The following FAM135A variants were observed in gnomAD, a reference collection of about 807,000 sequenced individuals.
The protein encoded by FAM135A is protein FAM135A.
In FAM135A, 79 loss-of-function variants were observed where a neutral mutation model predicts 146.8. That is an observed-to-expected ratio of 0.54 (90% confidence interval 0.45 to 0.65). The LOEUF is 0.65. Among genes scored for constraint, FAM135A ranks in the 30% least tolerant of loss-of-function variants. The pLI, the probability that FAM135A is intolerant of heterozygous loss-of-function variation, is 0.00. For synonymous variants in FAM135A, 562 were observed against 603.6 expected, an observed-to-expected ratio of 0.93 and a Z score of 1.01; for missense variants, 1,623 against 1,758.2, an observed-to-expected ratio of 0.92 and a Z score of 1.38.
intron 4 of FAM135A, among the ~76,000 whole-genome samples, chr6:70,435,109 ATTT>A (rs1213346179): frequency 6.8e-3 from 437 of 64,624 alleles, no homozygotes; most frequent in South Asian, 0.031. Flanking sequence ...ATATATATAT[ATTT>A]TTTTTTTTTT....
chr6:70,424,765 AT>A (rs1190557298), intron 2 of FAM135A, among the ~76,000 whole-genome samples: 1 of 152,116 alleles, frequency 6.6e-6, no homozygotes. Flanking sequence ...GTATTGTGGC[AT>A]TTTTCATGTA....
chr6:70,467,034 TTTCTC>T (rs911738232), intron 5 of FAM135A, among the ~76,000 whole-genome samples: 1 of 152,204 alleles, frequency 6.6e-6, no homozygotes, highest in Non-Finnish European at 1.5e-5. Context: ...ACATCTGTTT[TTTCTC>T]TTTCTTGGTT....
intron 13 of FAM135A, among the ~76,000 whole-genome samples, 175 bp from the exon 14 acceptor site, chr6:70,523,788 AAACT>A (rs1794119590): frequency 6.6e-6 from 1 of 152,174 alleles, no homozygotes; most frequent in Non-Finnish European, 1.5e-5. Context: ...TATTGCCAAC[AAACT>A]ATCATTTTCA....
rs191572720 is a variant in FAM135A, at chr6:70,539,349, C to T, written c.4228+948C>T. Among the ~76,000 whole-genome samples, 3 of 152,214 alleles carry T rather than the reference C, an allele frequency of 2.0e-5. No individual in the cohort carries two copies. In the East Asian group the frequency reaches 5.8e-4, roughly 29 times the overall value. ...AAGTATTTTGGTTTTGTAAGCCATACAATCTCTTTGCAACTACTTAACAAT... is the reference window on the plus strand; with the variant it reads ...AAGTATTTTGGTTTTGTAAGCCATATAATCTCTTTGCAACTACTTAACAAT... On this transcript the variant is annotated intron_variant, in intron 20 of 21. Transcript: ENST00000418814.
intron 20 of FAM135A, 103 bp downstream of exon 20, chr6:70,538,504 A>G (rs755562522): frequency 6.0e-4 from 351 of 589,220 alleles, no homozygotes; most frequent in Non-Finnish European, 8.7e-4. Flanking sequence ...TGGTTAAAAA[A>G]AAGTGTCATT....
intron 11 of FAM135A, among the ~76,000 whole-genome samples, chr6:70,497,578 T>C (rs936138834): frequency 6.6e-5 from 10 of 152,212 alleles, no homozygotes; most frequent in Admixed American, 4.6e-4. Context: ...TTGTGCCAGT[T>C]TTCAAAGGGA....
At position 70,475,493 on chromosome 6, in the gene FAM135A, G is replaced by A. The variant is rs770988672; in HGVS notation, c.241G>A (p.Val81Ile). 14 of 1,606,358 alleles carry A rather than the reference G, an allele frequency of 8.7e-6. No homozygotes were observed. The highest frequency in any genetic ancestry group is 1.1e-5 in the Non-Finnish European group (13 of 1,177,000). The change falls in exon 6 of 22, where the codon GTT becomes ATT. Residue 81 changes from valine to isoleucine, a missense_variant. Physicochemically the swap from Val to Ile is conservative, Grantham distance 29. Transcript: ENST00000418814. ...TCAAATTTTGTACAAAAATGAAGAG[G>A]TTGTTTTAAATGATGTTATGATCTT... Reference protein sequence around the residue: ...TFQILYKNEEVVLNDVMIFKV... With the variant: ...TFQILYKNEEIVLNDVMIFKV...
chr6:70,447,125 G>A (rs923722680), intron 4 of FAM135A, among the ~76,000 whole-genome samples: 9 of 152,170 alleles, frequency 5.9e-5, no homozygotes, highest in Admixed American at 2.6e-4. Context: ...GTAGAGAAAC[G>A]ATTGAAATGT....
chr6:70,488,479 A>C (rs1785167204), intron 10 of FAM135A, among the ~76,000 whole-genome samples: 1 of 143,852 alleles, frequency 7.0e-6, no homozygotes, highest in African/African-American at 2.5e-5. Context: ...CCCCCCCCAG[A>C]AATATATGAT....
rs373512926 is a variant in FAM135A at position 70,526,445 on chromosome 6, G to C, written c.3361G>C (p.Glu1121Gln). The change falls in exon 15 of 22, where the codon GAA becomes CAA. Residue 1121 changes from glutamate (E) to glutamine (Q), a missense_variant. By Grantham distance (29) the Glu-to-Gln change is conservative. Coordinates refer to ENST00000418814, the MANE Select transcript of FAM135A (RefSeq NM_001162529.3). ...TINAHYTSRD[E>Q]LMEERLTKSE... ...AAATGCTCACTATACAAGCAGAGAT[G>C]AACTAATGGAAGAAAGACTTACAAA... 2.0e-5 allele frequency: 33 copies of C among 1,613,330 alleles called. No individual in the cohort carries two copies. Among genetic ancestry groups the C allele is most frequent in the Non-Finnish European group, 2.7e-5 (32 of 1,179,634 alleles).
rs545777986 is a variant in FAM135A, at chr6:70,457,686, T to G, written c.157+5115T>G. On this transcript the variant is annotated intron_variant, in intron 5 of 21. Transcript: ENST00000418814. ...TCACTATTCTTCATCAACTAAATAC[T>G]GGTTGGAAAGGATTTATCTTCTATA... Among the ~76,000 whole-genome samples, 16 of 152,314 alleles carry G rather than the reference T, an allele frequency of 1.1e-4. No individual in the cohort carries two copies. The South Asian group carries it at 3.1e-3, about 30-fold the overall frequency.
intron 11 of FAM135A, among the ~76,000 whole-genome samples, chr6:70,496,903 C>T (rs974288813): frequency 6.6e-6 from 1 of 152,034 alleles, no homozygotes; most frequent in Non-Finnish European, 1.5e-5. Context: ...GTTTTGGTTA[C>T]TGTAGCCTTG....
At chr6:70,545,746 C>A (rs1156531622) in intron 20 of FAM135A, among the ~76,000 whole-genome samples, 1 of 152,186 alleles carries the variant, frequency 6.6e-6, no homozygotes, top group African/African-American at 2.4e-5. Context: ...TAAACACATA[C>A]ATATTAGCTT....
intron 12 of FAM135A, among the ~76,000 whole-genome samples, chr6:70,514,560 A>T (rs1377904829): frequency 6.6e-6 from 1 of 152,226 alleles, no homozygotes; most frequent in African/African-American, 2.4e-5. Context: ...TCTTAGATTT[A>T]TCGGAGAATT....
chr6:70,438,220 T>A (rs551690662), intron 4 of FAM135A, among the ~76,000 whole-genome samples: 3 of 152,308 alleles, frequency 2.0e-5, no homozygotes, highest in African/African-American at 7.2e-5. Flanking sequence ...TTTGCAGGAT[T>A]TAAGTCCAAT....
intron 20 of FAM135A, among the ~76,000 whole-genome samples, chr6:70,552,968 T>A (rs1327954586): frequency 6.6e-6 from 1 of 152,202 alleles, no homozygotes; most frequent in Admixed American, 6.5e-5. Flanking sequence ...TTTTAATTTT[T>A]TTTAACTTGG....
At chr6:70,538,867 G>A (rs972027516) in intron 20 of FAM135A, among the ~76,000 whole-genome samples, 1 of 133,122 alleles carries the variant, frequency 7.5e-6, no homozygotes, top group Non-Finnish European at 1.6e-5. Context: ...TATATGGCTA[G>A]CAAGCATTTC....
At chr6:70,474,923 G>C (rs1295069760) in intron 5 of FAM135A, among the ~76,000 whole-genome samples, 2 of 152,088 alleles carry the variant, frequency 1.3e-5, no homozygotes, top group Admixed American at 6.6e-5. Flanking sequence ...TAGTGATGTG[G>C]CCAGCCCCCA....
In FAM135A at chr6:70,559,957, A is replaced by C; in HGVS notation, c.*36A>C. Reference sequence around the variant, plus strand: ...TTGTTAGCGACTGGACAATTACCTCATTCAACAATGTTTCAAATAATGTAT... The same window carrying C: ...TTGTTAGCGACTGGACAATTACCTCCTTCAACAATGTTTCAAATAATGTAT... On this transcript the variant is annotated 3_prime_UTR_variant, in exon 22 of 22. Transcript: ENST00000418814. The C allele has an allele frequency of 9.4e-5, 140 of 1,484,206 alleles. No homozygotes were observed. Among genetic ancestry groups the C allele is most frequent in the Non-Finnish European group, 1.2e-4 (130 of 1,073,224 alleles). 91.9% of individuals were successfully genotyped at this position (1,484,206 alleles called of 1,614,324 possible). A position where few individuals can be genotyped will look rare whatever the true frequency, so the allele number is the denominator to read the frequency against.
Sources: allele counts gnomAD v4.1 joint callset (sites outside exome capture counted in the v4.1 genomes callset), GRCh38; gene constraint gnomAD v4.1.1; transcripts MANE v1.5; gene names NCBI Gene and HGNC (gene_info 2026-07-23, HGNC 2026-07-21).